NRXN3: variants seen among roughly 807,000 people sequenced by gnomAD.
The protein encoded by NRXN3 is neurexin 3.
Under a neutral mutation model 137.6 loss-of-function variants are expected in NRXN3, and 32 were observed. The observed-to-expected ratio is 0.23, with a 90% confidence interval of 0.18 to 0.31. The LOEUF is 0.31. Ranked by LOEUF, NRXN3 falls within the 10% of genes least tolerant of loss-of-function variation. The pLI is 1.00. For synonymous variants in NRXN3, 798 were observed against 784.5 expected (o/e 1.02, Z -0.29); for missense variants, 1,574 against 2,062.5 (o/e 0.76, Z 4.59).
intron 15 of NRXN3, among the ~76,000 whole-genome samples, chr14:79,343,130 C>G (rs756100635): frequency 2.0e-5 from 3 of 152,094 alleles, no homozygotes; most frequent in Admixed American, 6.5e-5. Flanking sequence ...TGCAAAATAT[C>G]TCAAGTACTG....
chr14:78,910,401 C>T (rs1264124924), intron 10 of NRXN3, among the ~76,000 whole-genome samples: 1 of 152,154 alleles, frequency 6.6e-6, no homozygotes, highest in African/African-American at 2.4e-5. Context: ...AGTGTGCCCT[C>T]TGTCATGAAT....
At chr14:79,232,578 G>C (rs1383610930) in intron 15 of NRXN3, among the ~76,000 whole-genome samples, 1 of 152,064 alleles carries the variant, frequency 6.6e-6, no homozygotes, top group Non-Finnish European at 1.5e-5. Context: ...TTCGGTTACA[G>C]GTTGCTCACT....
At chr14:79,462,401 A>G (rs897167986) in intron 15 of NRXN3, among the ~76,000 whole-genome samples, 6 of 151,818 alleles carry the variant, frequency 4.0e-5, no homozygotes, top group African/African-American at 1.2e-4. Flanking sequence ...AAGTAAAATA[A>G]TAAATTTAAC....
At chr14:78,667,351 C>A (rs2032701713) in intron 6 of NRXN3, among the ~76,000 whole-genome samples, 1 of 152,122 alleles carries the variant, frequency 6.6e-6, no homozygotes, top group African/African-American at 2.4e-5. Context: ...TGCAATAAAG[C>A]CTTTAGCTGA....
At position 79,714,168 on chromosome 14, in the gene NRXN3, G is replaced by A. The variant is rs549363654; in HGVS notation, c.4014+16231G>A. ...TGGGGCTCCACACAAAAAGAATGCC[G>A]AATTAATGTTGGATGGATGTACATA... On this transcript the variant is annotated intron_variant, in intron 19 of 20. Coordinates refer to ENST00000335750, the MANE Select transcript of NRXN3 (RefSeq NM_001330195.2). 5.3e-5 allele frequency among the ~76,000 whole-genome samples: 8 copies of A among 152,246 alleles called. No homozygotes were observed. The South Asian group carries it at 1.5e-3, about 28-fold the overall frequency.
intron 15 of NRXN3, among the ~76,000 whole-genome samples, chr14:79,141,279 G>A (rs2058764198): frequency 6.6e-6 from 1 of 152,156 alleles, no homozygotes; most frequent in South Asian, 2.1e-4. Flanking sequence ...CTTATCACAA[G>A]CACCTTAGTT....
chr14:79,717,718 C>A (rs2098828407), intron 19 of NRXN3, among the ~76,000 whole-genome samples: 1 of 152,086 alleles, frequency 6.6e-6, no homozygotes, highest in Non-Finnish European at 1.5e-5. Flanking sequence ...ACTATAGTGC[C>A]CTTTCTTATC....
At chr14:79,553,237 C>T (rs920791569) in intron 16 of NRXN3, among the ~76,000 whole-genome samples, 1 of 151,906 alleles carries the variant, frequency 6.6e-6, no homozygotes, top group Non-Finnish European at 1.5e-5. Context: ...AACATTTTTA[C>T]TTGACCTACA....
intron 4 of NRXN3, among the ~76,000 whole-genome samples, chr14:78,419,246 T>C (rs1348222620): frequency 3.3e-5 from 5 of 152,190 alleles, no homozygotes; most frequent in African/African-American, 1.2e-4. Context: ...TTTTTTATTT[T>C]ATTTTATTTT....
intron 6 of NRXN3, among the ~76,000 whole-genome samples, chr14:78,658,501 C>T (rs2097803270): frequency 6.6e-6 from 1 of 152,172 alleles, no homozygotes; most frequent in Admixed American, 6.5e-5. Flanking sequence ...ACTTACTGCT[C>T]TTCACCATTT....
chr14:78,333,739 T>C (rs1057113976), intron 4 of NRXN3, among the ~76,000 whole-genome samples: 1 of 152,124 alleles, frequency 6.6e-6, no homozygotes, highest in Non-Finnish European at 1.5e-5. Context: ...GGGGGGCATA[T>C]TTTATAAGCC....
chr14:78,474,547 A>G (rs1285392036), intron 4 of NRXN3, among the ~76,000 whole-genome samples: 2 of 152,308 alleles, frequency 1.3e-5, no homozygotes, highest in East Asian at 1.9e-4. Context: ...TATGGCAGTT[A>G]TAGTCATTTG....
chr14:78,170,576 T>C lies in NRXN3; in HGVS notation c.-802T>C, dbSNP rs1444318138. On this transcript the variant is annotated 5_prime_UTR_variant, in exon 1 of 21. Coordinates refer to ENST00000335750, the MANE Select transcript of NRXN3 (RefSeq NM_001330195.2). ...AAAGGAGAGAGAAAGATTCTGGAAT[T>C]TGAACCTACCCAAAGAGGAAACATA... is the stretch of plus-strand genomic sequence containing the variant. The C allele has an allele frequency of 1.3e-5, 2 of 152,318 alleles. No individual in the cohort carries two copies. Among genetic ancestry groups the C allele is most frequent in the Non-Finnish European group, 2.9e-5 (2 of 68,116 alleles). The allele number at this position is 152,318 out of a possible 1,614,324, so 9.4% of individuals were successfully genotyped here. A position where few individuals can be genotyped will look rare whatever the true frequency, so the allele number is the denominator to read the frequency against.
chr14:78,837,439 G>A (rs2099000255), intron 10 of NRXN3, among the ~76,000 whole-genome samples: 1 of 152,012 alleles, frequency 6.6e-6, no homozygotes, highest in Admixed American at 6.6e-5. Context: ...CAAGTTTATG[G>A]AAGGAAACCT....
At chr14:78,968,758 T>G (rs1419668724) in intron 14 of NRXN3, among the ~76,000 whole-genome samples, 3 of 152,214 alleles carry the variant, frequency 2.0e-5, no homozygotes, top group Non-Finnish European at 4.4e-5. Flanking sequence ...AAAATGTTTC[T>G]TATTTTGGCT....
chr14:79,068,146 T>A (rs1206478578), intron 15 of NRXN3, among the ~76,000 whole-genome samples: 2 of 152,030 alleles, frequency 1.3e-5, no homozygotes, highest in Non-Finnish European at 2.9e-5. Context: ...TATCTTGTAT[T>A]TGTCTCTAGT....
chr14:79,638,669 A>C (rs1356048547), intron 16 of NRXN3, among the ~76,000 whole-genome samples: 2 of 152,318 alleles, frequency 1.3e-5, no homozygotes, highest in African/African-American at 4.8e-5. Flanking sequence ...ATCACCATCT[A>C]GGTTTCCTCT....
At chr14:79,797,293 C>T (rs1225884116) in intron 19 of NRXN3, among the ~76,000 whole-genome samples, 2 of 152,046 alleles carry the variant, frequency 1.3e-5, no homozygotes, top group African/African-American at 4.8e-5. Flanking sequence ...GTAGTCATAT[C>T]TTGGCAAGTG....
chr14:79,375,054 T>G (rs552242730), intron 15 of NRXN3, among the ~76,000 whole-genome samples: 2 of 152,204 alleles, frequency 1.3e-5, no homozygotes, highest in East Asian at 3.9e-4. Flanking sequence ...TTATCAGACA[T>G]CCACCTAGTG....
Sources: gnomAD v4.1 joint callset for allele counts (sites outside exome capture counted in the v4.1 genomes callset) on GRCh38, gnomAD v4.1.1 for gene constraint, MANE v1.5 for transcripts, NCBI Gene and HGNC (gene_info 2026-07-23, HGNC 2026-07-21) for gene names.